TAFA1: variants seen among roughly 807,000 people sequenced by gnomAD.
TAFA1 encodes chemokine-like protein TAFA-1.
Under a neutral mutation model 18.5 loss-of-function variants are expected in TAFA1, and 4 were observed. The observed-to-expected ratio is 0.22, with a 90% confidence interval of 0.11 to 0.49. TAFA1 has a LOEUF of 0.49. Among genes scored for constraint, TAFA1 ranks in the 20% least tolerant of loss-of-function variants. The pLI, the probability that TAFA1 is intolerant of heterozygous loss-of-function variation, is 0.98. For missense variants in TAFA1, 147 were observed against 169.0 expected, an observed-to-expected ratio of 0.87 and a Z score of 0.72; for synonymous variants, 56 against 55.2, an observed-to-expected ratio of 1.01 and a Z score of -0.06.
intron 2 of TAFA1, among the ~76,000 whole-genome samples, chr3:68,128,457 T>C (rs2065498258): frequency 6.6e-6 from 1 of 152,222 alleles, no homozygotes; most frequent in African/African-American, 2.4e-5. Flanking sequence ...AAGGGGACTA[T>C]GAACAAGCTG....
intron 3 of TAFA1, among the ~76,000 whole-genome samples, chr3:68,439,799 C>T (rs1003559740): frequency 2.6e-5 from 4 of 152,076 alleles, no homozygotes; most frequent in African/African-American, 9.6e-5. Context: ...TCCTTCAATC[C>T]AATCAAGATG....
At chr3:68,049,546 C>T (rs1435939142) in intron 2 of TAFA1, among the ~76,000 whole-genome samples, 1 of 151,896 alleles carries the variant, frequency 6.6e-6, no homozygotes, top group African/African-American at 2.4e-5. Context: ...AGTAATGGAA[C>T]CTGGACAGAA....
chr3:68,007,126 G>A (rs985415004), intron 2 of TAFA1, among the ~76,000 whole-genome samples: 1 of 152,178 alleles, frequency 6.6e-6, no homozygotes, highest in African/African-American at 2.4e-5. Flanking sequence ...TTTTGTGGGG[G>A]CATAGTCCCC....
At chr3:68,362,899 A>G (rs772279190) in intron 2 of TAFA1, among the ~76,000 whole-genome samples, 63 of 151,028 alleles carry the variant, frequency 4.2e-4, no homozygotes, top group Non-Finnish European at 7.4e-4. Context: ...ATGAGAATAT[A>G]AACAGTTTTA....
At chr3:68,336,643 A>G (rs1202493263) in intron 2 of TAFA1, among the ~76,000 whole-genome samples, 1 of 152,226 alleles carries the variant, frequency 6.6e-6, no homozygotes, top group Admixed American at 6.5e-5. Context: ...ATTGTAGGCT[A>G]TTAAATCAGA....
chr3:68,059,800 A>C (rs1335707574), intron 2 of TAFA1, among the ~76,000 whole-genome samples: 1 of 152,196 alleles, frequency 6.6e-6, no homozygotes, highest in Admixed American at 6.5e-5. Context: ...TGTTTGATTT[A>C]CTGACTCATT....
At chr3:68,045,408 A>T (rs1451703261) in intron 2 of TAFA1, among the ~76,000 whole-genome samples, 1 of 152,204 alleles carries the variant, frequency 6.6e-6, no homozygotes, top group Admixed American at 6.5e-5. Flanking sequence ...ATACAGGAAG[A>T]GCTGAAGGAC....
chr3:68,314,376 CAG>C (rs1225768027), intron 2 of TAFA1, among the ~76,000 whole-genome samples: 1 of 152,192 alleles, frequency 6.6e-6, no homozygotes, highest in East Asian at 1.9e-4. Flanking sequence ...CACTTTGCTA[CAG>C]AGTTACAGCA....
intron 3 of TAFA1, among the ~76,000 whole-genome samples, chr3:68,444,771 AATATATATATAT>A (rs55684696): frequency 0.063 from 8,072 of 127,154 alleles, 348 homozygotes; most frequent in East Asian, 0.17. Flanking sequence ...GTTTCTACAA[AATATATATATAT>A]ATATATATAT....
At chr3:68,013,749 C>T (rs781392828) in intron 2 of TAFA1, among the ~76,000 whole-genome samples, 1 of 152,060 alleles carries the variant, frequency 6.6e-6, no homozygotes, top group Admixed American at 6.6e-5. Context: ...ATAATACCCT[C>T]AAAGCACTTA....
At chr3:68,193,543 C>T (rs1394871815) in intron 2 of TAFA1, among the ~76,000 whole-genome samples, 1 of 151,778 alleles carries the variant, frequency 6.6e-6, no homozygotes, top group African/African-American at 2.4e-5. Flanking sequence ...TTCTCAACAA[C>T]AGAGAATTGA....
At chr3:68,132,649 T>C (rs116299798) in intron 2 of TAFA1, among the ~76,000 whole-genome samples, 12,166 of 152,310 alleles carry the variant, frequency 0.08, 565 homozygotes, top group Middle Eastern at 0.12. Flanking sequence ...TTTTTTCATA[T>C]ATTTGTTGGT....
intron 2 of TAFA1, among the ~76,000 whole-genome samples, chr3:68,335,981 C>G (rs965995734): frequency 1.3e-5 from 2 of 151,648 alleles, no homozygotes; most frequent in Non-Finnish European, 2.9e-5. Flanking sequence ...CCTTAATATA[C>G]TGAGTTGGAA....
intron 2 of TAFA1, among the ~76,000 whole-genome samples, chr3:68,273,261 G>T (rs2067712524): frequency 6.6e-6 from 1 of 152,132 alleles, no homozygotes; most frequent in South Asian, 2.1e-4. Flanking sequence ...GGGGTAAGAT[G>T]TATTTGAAGA....
intron 2 of TAFA1, among the ~76,000 whole-genome samples, chr3:68,058,616 TATA>T (rs1209787441): frequency 6.6e-6 from 1 of 152,078 alleles, no homozygotes; most frequent in Non-Finnish European, 1.5e-5. Context: ...ATTTTGAAAA[TATA>T]ATAAGTTTCT....
chr3:68,506,777 A>T (rs2072765590), intron 3 of TAFA1, among the ~76,000 whole-genome samples: 1 of 152,070 alleles, frequency 6.6e-6, no homozygotes, highest in Non-Finnish European at 1.5e-5. Context: ...AATTTGTCAG[A>T]TGAAATGTTC....
intron 2 of TAFA1, among the ~76,000 whole-genome samples, chr3:68,366,676 C>T (rs186299719): frequency 2.6e-5 from 4 of 152,212 alleles, no homozygotes; most frequent in Non-Finnish European, 5.9e-5. Context: ...GCTTTGGACT[C>T]GGGACAGGTT....
chr3:68,019,620 AG>A (rs1704643920), intron 2 of TAFA1, among the ~76,000 whole-genome samples: 1 of 152,222 alleles, frequency 6.6e-6, no homozygotes, highest in Admixed American at 6.5e-5. Flanking sequence ...GATCATTTGC[AG>A]CAGTGTCTTT....
intron 3 of TAFA1, among the ~76,000 whole-genome samples, chr3:68,517,653 A>G (rs1467470267): frequency 1.3e-5 from 2 of 152,180 alleles, no homozygotes; most frequent in Admixed American, 6.5e-5. Flanking sequence ...GAACTAATTC[A>G]TTTTCAGTTC....
Sources: gnomAD v4.1 joint callset for allele counts (sites outside exome capture counted in the v4.1 genomes callset) on GRCh38, gnomAD v4.1.1 for gene constraint, MANE v1.5 for transcripts, NCBI Gene and HGNC (gene_info 2026-07-23, HGNC 2026-07-21) for gene names.